The following GRM8 variants were observed in gnomAD, a reference collection of about 807,000 sequenced individuals.
GRM8 encodes metabotropic glutamate receptor 8.
A neutral mutation model predicts 87.2 loss-of-function variants in GRM8; 47 were observed. The ratio of observed to expected loss-of-function variants is 0.54; its 90% CI spans 0.43 to 0.69. The LOEUF is 0.69. Among genes scored for constraint, GRM8 ranks in the 30% least tolerant of loss-of-function variants. The pLI is 0.00. For missense variants in GRM8, 1,019 were observed against 1,139.2 expected (o/e 0.89, Z 1.52); for synonymous variants, 396 against 404.5 (o/e 0.98, Z 0.25).
chr7:126,926,629 CA>C (rs1379940622), intron 3 of GRM8, among the ~76,000 whole-genome samples: 1 of 152,204 alleles, frequency 6.6e-6, no homozygotes, highest in Non-Finnish European at 1.5e-5. Context: ...TCTTCCAGGA[CA>C]AAATCTGAAC....
At chr7:126,825,225 C>T (rs904000792) in intron 6 of GRM8, among the ~76,000 whole-genome samples, 1 of 151,986 alleles carries the variant, frequency 6.6e-6, no homozygotes, top group African/African-American at 2.4e-5. Context: ...CACCACCATG[C>T]CTGGCTAATT....
intron 3 of GRM8, among the ~76,000 whole-genome samples, chr7:127,073,372 C>T (rs546333247): frequency 2.0e-5 from 3 of 152,170 alleles, no homozygotes; most frequent in Non-Finnish European, 2.9e-5. Context: ...TCAGTGAAAC[C>T]CTGAAGATGA....
At chr7:126,907,211 G>C (rs1257152842) in intron 3 of GRM8, among the ~76,000 whole-genome samples, 1 of 149,912 alleles carries the variant, frequency 6.7e-6, no homozygotes, top group Non-Finnish European at 1.5e-5. Context: ...GGAAGGAGGA[G>C]GAAGAGATGG....
At chr7:126,467,981 A>G (rs929883711) in intron 9 of GRM8, among the ~76,000 whole-genome samples, 1 of 152,100 alleles carries the variant, frequency 6.6e-6, no homozygotes, top group Non-Finnish European at 1.5e-5. Flanking sequence ...AAATGATTTA[A>G]TATAATCAAA....
At chr7:126,468,114 A>T (rs1820065598) in intron 9 of GRM8, among the ~76,000 whole-genome samples, 1 of 152,116 alleles carries the variant, frequency 6.6e-6, no homozygotes, top group Non-Finnish European at 1.5e-5. Flanking sequence ...AAGCCCATAA[A>T]GCACTGTAGG....
chr7:126,986,874 A>G (rs992469872), intron 3 of GRM8, among the ~76,000 whole-genome samples: 1 of 152,252 alleles, frequency 6.6e-6, no homozygotes, highest in Admixed American at 6.5e-5. Flanking sequence ...ACATTGATAT[A>G]GCACTTGCTA....
intron 7 of GRM8, chr7:126,701,932 T>C: frequency 2.6e-6 from 1 of 388,130 alleles, no homozygotes; most frequent in South Asian, 2.0e-5. Context: ...CTTAGTATAA[T>C]TATTAATCAT....
chr7:127,150,725 C>A (rs957370330), intron 2 of GRM8, among the ~76,000 whole-genome samples: 1 of 152,088 alleles, frequency 6.6e-6, no homozygotes, highest in Non-Finnish European at 1.5e-5. Flanking sequence ...TGTCCTCAAC[C>A]TCTATGCTCT....
chr7:126,926,889 T>C (rs949129008), intron 3 of GRM8, among the ~76,000 whole-genome samples: 1 of 152,238 alleles, frequency 6.6e-6, no homozygotes, highest in African/African-American at 2.4e-5. Flanking sequence ...AATTGGAGCA[T>C]TTATTCCATT....
chr7:126,560,967 G>A (rs17682883), intron 8 of GRM8, among the ~76,000 whole-genome samples: 46,688 of 151,960 alleles, frequency 0.31, 8,068 homozygotes, highest in East Asian at 0.44. Flanking sequence ...AACATTTGAC[G>A]TTCAATACTA....
intron 6 of GRM8, among the ~76,000 whole-genome samples, chr7:126,878,934 A>G (rs1799776638): frequency 6.6e-6 from 1 of 150,858 alleles, no homozygotes. Flanking sequence ...AGGTGGAGGC[A>G]GGTCGATCAC....
At chr7:127,157,043 G>A (rs1286725653) in intron 2 of GRM8, among the ~76,000 whole-genome samples, 1 of 152,022 alleles carries the variant, frequency 6.6e-6, no homozygotes. Context: ...AACAGTCTCA[G>A]AGGAGAGGAT....
At position 126,904,078 on chromosome 7, in the gene GRM8, G is replaced by A; in HGVS notation, c.912C>T (p.Leu304=). 1 of 1,612,330 alleles carries A rather than the reference G, an allele frequency of 6.2e-7. No individual in the cohort carries two copies. Among genetic ancestry groups the A allele is most frequent in the Non-Finnish European group, 8.5e-7 (1 of 1,178,904 alleles). ...ATCCCCAACTATCTGAGCCAATCCA[G>A]AGAAAATGCCCACTTTGGTTTAGTT... ...AKKLNQSGHF[L]WIGSDSWGSK... is the part of the protein sequence containing the mutation. The change falls in exon 5 of 11, where the codon CTC becomes CTT. Residue 304 remains leucine, a synonymous_variant. Coordinates refer to ENST00000339582, the MANE Select transcript of GRM8 (RefSeq NM_000845.3).
At chr7:126,520,909 A>C (rs767946577) in intron 9 of GRM8, among the ~76,000 whole-genome samples, 4 of 152,278 alleles carry the variant, frequency 2.6e-5, no homozygotes, top group Non-Finnish European at 5.9e-5. Flanking sequence ...TTAACAATAA[A>C]TAGGCAGTGT....
intron 3 of GRM8, chr7:127,058,115 C>T (rs747755338): frequency 1.2e-5 from 6 of 515,518 alleles, no homozygotes; most frequent in African/African-American, 7.8e-5. Context: ...CATGATGTTG[C>T]GTCACCACGT....
intron 2 of GRM8, among the ~76,000 whole-genome samples, chr7:127,187,264 A>G (rs1260397029): frequency 5.9e-5 from 9 of 152,122 alleles, no homozygotes; most frequent in African/African-American, 1.9e-4. Context: ...TAATATCAAA[A>G]CATCTAGGTT....
chr7:126,911,120 A>T (rs1193726090), intron 3 of GRM8, among the ~76,000 whole-genome samples: 1 of 152,212 alleles, frequency 6.6e-6, no homozygotes, highest in African/African-American at 2.4e-5. Flanking sequence ...TCAGCCCTAA[A>T]ACACAGGTTT....
chr7:127,091,860 C>G (rs1369996255), intron 3 of GRM8, among the ~76,000 whole-genome samples: 1 of 86,532 alleles, frequency 1.2e-5, no homozygotes, highest in Non-Finnish European at 2.3e-5. Context: ...CCGCCAATGA[C>G]CCCCCCGCCG....
chr7:126,836,668 A>C (rs1372961704), intron 6 of GRM8, among the ~76,000 whole-genome samples: 1 of 151,906 alleles, frequency 6.6e-6, no homozygotes, highest in African/African-American at 2.4e-5. Context: ...ACTGCATGTC[A>C]CTCCTTAAAT....
Sources: gnomAD v4.1 joint callset for allele counts (sites outside exome capture counted in the v4.1 genomes callset) on GRCh38, gnomAD v4.1.1 for gene constraint, MANE v1.5 for transcripts, NCBI Gene and HGNC (gene_info 2026-07-23, HGNC 2026-07-21) for gene names.